Variants in PHF2 observed in about 807,000 individuals in gnomAD.
The protein encoded by PHF2 is PHD finger protein 2.
PHF2 carries 27 observed loss-of-function variants against 120.5 expected under a neutral mutation model. The observed-to-expected ratio is 0.22, with a 90% confidence interval of 0.17 to 0.31. The LOEUF (loss-of-function observed/expected upper bound fraction) is 0.31. PHF2 is among the 10% of genes least tolerant of loss of function. The pLI is 1.00. For missense variants in PHF2, 1,024 were observed against 1,434.8 expected, an observed-to-expected ratio of 0.71 and a Z score of 4.63; for synonymous variants, 568 against 592.5, an observed-to-expected ratio of 0.96 and a Z score of 0.60.
chr9:93,576,976 G>C, intron 1 of PHF2, 105 bp downstream of exon 1: 1 of 342,980 alleles, frequency 2.9e-6, no homozygotes, highest in Non-Finnish European at 4.1e-6. Flanking sequence ...GCTCGGGGAC[G>C]GGCCGCCGCC....
At chr9:93,603,025 C>T (rs1162317756) in intron 1 of PHF2, among the ~76,000 whole-genome samples, 5 of 151,646 alleles carry the variant, frequency 3.3e-5, no homozygotes, top group Admixed American at 1.3e-4. Flanking sequence ...GAGGGGGGCG[C>T]GGAGGTGGGG....
chr9:93,577,752 C>G (rs753307253), intron 1 of PHF2, among the ~76,000 whole-genome samples: 1 of 152,236 alleles, frequency 6.6e-6, no homozygotes, highest in African/African-American at 2.4e-5. Context: ...AACCCCCGCC[C>G]TCTTGGCCCT....
At chr9:93,615,659 G>A (rs1291128198) in intron 1 of PHF2, among the ~76,000 whole-genome samples, 1 of 152,224 alleles carries the variant, frequency 6.6e-6, no homozygotes, top group African/African-American at 2.4e-5. Flanking sequence ...CAGGCTGCAG[G>A]TGATGCCTCA....
At chr9:93,613,518 G>A (rs1825671640) in intron 1 of PHF2, among the ~76,000 whole-genome samples, 1 of 151,178 alleles carries the variant, frequency 6.6e-6, no homozygotes, top group Non-Finnish European at 1.5e-5. Context: ...TTCTGACTCA[G>A]TAGGTCCCGG....
At chr9:93,588,641 C>G (rs1672646361) in intron 1 of PHF2, among the ~76,000 whole-genome samples, 1 of 152,172 alleles carries the variant, frequency 6.6e-6, no homozygotes, top group Non-Finnish European at 1.5e-5. Context: ...CCTGTAATCC[C>G]AGCACTTTGG....
At position 93,676,924 on chromosome 9, in the gene PHF2, C is replaced by A; in HGVS notation, c.3163C>A (p.Pro1055Thr). ...TGGGGTCTTTCTCACACAGAGGCGG[C>A]CCTCCGCATCGTCTCCAAACAACAA... ...APGVFLTQRR[P>T]SASSPNNNTA... Residue 1055 changes from proline (P) to threonine (T), a missense_variant, in exon 21 of 22, where the codon CCC becomes ACC. By Grantham distance (38) the Pro-to-Thr change is conservative (BLOSUM62 -1). Transcript: ENST00000359246. 5 of 1,572,416 alleles carry A rather than the reference C, an allele frequency of 3.2e-6. No individual in the cohort carries two copies. The highest frequency in any genetic ancestry group is 4.3e-6 in the Non-Finnish European group (5 of 1,156,840).
Position 93,665,844 on chromosome 9 carries a change from C to A in PHF2, c.2096C>A (p.Ala699Asp). Residue 699 changes from alanine to aspartate, a missense_variant, in exon 15 of 22, where the codon GCC becomes GAC. Physicochemically the swap from Ala to Asp is moderately radical, Grantham distance 126 (BLOSUM62 -2). Around this residue, in one of 2 missense-constraint regions of PHF2, gnomAD observed 677 missense variants for 857.4 expected, o/e 0.79. Coordinates refer to ENST00000359246, the MANE Select transcript of PHF2 (RefSeq NM_005392.4). ...DEFPIRRKKN[A>D]PKRDLSFLLD... ...TTTCCCATCAGGAGGAAGAAAAACG[C>A]CCCGAAAAGGGACTTGTCCTGTGAG... The A allele has an allele frequency of 6.2e-7, 1 of 1,613,608 alleles. No individual in the cohort carries two copies. Among genetic ancestry groups the A allele is most frequent in the Non-Finnish European group, 8.5e-7 (1 of 1,180,016 alleles).
rs747294165 is a variant in PHF2 at position 93,677,503 on chromosome 9, C to T, written c.3203-85C>T. On this transcript the variant is annotated intron_variant, in intron 21 of 21. Coordinates refer to ENST00000359246, the MANE Select transcript of PHF2 (RefSeq NM_005392.4). The surrounding 1 kb of genome is among the most constrained non-coding windows in gnomAD (Gnocchi z 4.4). ...ACTGCAGGCTGCCCCTTAGTGTCAG[C>T]GGGACCCTCCCCCCCACCGGCATGC... is the stretch of plus-strand genomic sequence containing the variant. 4.3e-5 allele frequency: 42 copies of T among 976,612 alleles called. No individual in the cohort carries two copies. The highest frequency in any genetic ancestry group is 6.1e-5 in the Non-Finnish European group (38 of 618,208). 60.5% of individuals were successfully genotyped at this position (976,612 alleles called of 1,614,324 possible).
At chr9:93,675,879 C>T (rs1002012181) in intron 20 of PHF2, 90 bp downstream of exon 20, 15 of 914,570 alleles carry the variant, frequency 1.6e-5, no homozygotes, top group Non-Finnish European at 2.2e-5. Context: ...TGTTTCTCCA[C>T]CCCATACACA....
intron 1 of PHF2, among the ~76,000 whole-genome samples, chr9:93,598,282 C>T (rs1825370257): frequency 6.6e-6 from 1 of 152,212 alleles, no homozygotes; most frequent in African/African-American, 2.4e-5. Context: ...TCAGACTTAG[C>T]ATTTAATCGC....
intron 10 of PHF2, among the ~76,000 whole-genome samples, chr9:93,659,226 G>T (rs1826516149): frequency 6.6e-6 from 1 of 152,234 alleles, no homozygotes; most frequent in Non-Finnish European, 1.5e-5. Context: ...ATGTGGCTGG[G>T]TGGAGTGGCC....
intron 14 of PHF2, among the ~76,000 whole-genome samples, chr9:93,664,413 G>A (rs867761052): frequency 2.0e-5 from 3 of 152,206 alleles, no homozygotes; most frequent in East Asian, 1.9e-4. Flanking sequence ...GTGTGCTCCC[G>A]GTGCGTGGGA....
chr9:93,669,111 C>T (rs965021042), intron 17 of PHF2, among the ~76,000 whole-genome samples: 2 of 152,242 alleles, frequency 1.3e-5, no homozygotes, highest in African/African-American at 2.4e-5. Flanking sequence ...AGCAACCCTG[C>T]GGGACCTGGG....
rs1162823999 is a variant in PHF2, at chr9:93,677,440, G to A, written c.3203-148G>A. 8 of 683,632 alleles carry A rather than the reference G, an allele frequency of 1.2e-5. No individual in the cohort carries two copies. The highest frequency in any genetic ancestry group is 4.7e-5 in the Admixed American group (2 of 42,348). 42.3% of individuals were successfully genotyped at this position (683,632 alleles called of 1,614,324 possible). A position where few individuals can be genotyped will look rare whatever the true frequency, so the allele number is the denominator to read the frequency against. On this transcript the variant is annotated intron_variant, in intron 21 of 21. Coordinates refer to ENST00000359246, the MANE Select transcript of PHF2 (RefSeq NM_005392.4). The surrounding 1 kb of genome is among the most constrained non-coding windows in gnomAD (Gnocchi z 4.4). ...CAGACTCCTGAAGGGTGCTGAGCTC[G>A]GAGCTGGGGCTTCATAGGCCCATTT...
At chr9:93,649,461 A>G (rs1201130334) in intron 5 of PHF2, among the ~76,000 whole-genome samples, 1 of 149,124 alleles carries the variant, frequency 6.7e-6, no homozygotes, top group Admixed American at 6.7e-5. Context: ...ATTGAGAACA[A>G]TTCAAACAAA....
chr9:93,658,136 C>T lies in PHF2; in HGVS notation c.1148-9C>T, dbSNP rs1190718775. The T allele has an allele frequency of 1.9e-6, 3 of 1,602,680 alleles. No homozygotes were observed. The highest frequency in any genetic ancestry group is 2.6e-6 in the Non-Finnish European group (3 of 1,171,714). On this transcript the variant is annotated splice_polypyrimidine_tract_variant and intron_variant, in intron 9 of 21. Transcript: ENST00000359246. Reference sequence around the variant, plus strand: ...CACCCACCCACCTCACCCAGTGTCTCCTTCCCAGGCTCTCACAAATCTGGG... The same window carrying T: ...CACCCACCCACCTCACCCAGTGTCTTCTTCCCAGGCTCTCACAAATCTGGG...
chr9:93,676,941 A>C lies in PHF2; in HGVS notation c.3180A>C (p.Pro1060=), dbSNP rs1564406141. 3.8e-6 allele frequency: 6 copies of C among 1,565,216 alleles called. No homozygotes were observed. The highest frequency in any genetic ancestry group is 5.2e-6 in the Non-Finnish European group (6 of 1,152,302). ...LTQRRPSASS[P]NNNTAAKGKR... is the part of the protein sequence containing the mutation. Reference sequence around the variant, plus strand: ...AGAGGCGGCCCTCCGCATCGTCTCCAAACAACAACACCGCTGCCAAAGGTA... The same window carrying C: ...AGAGGCGGCCCTCCGCATCGTCTCCCAACAACAACACCGCTGCCAAAGGTA... Residue 1060 remains proline, a synonymous_variant, in exon 21 of 22, where the codon CCA becomes CCC. Transcript: ENST00000359246.
Position 93,677,549 on chromosome 9 carries a change from T to C in PHF2, c.3203-39T>C. On this transcript the variant is annotated intron_variant, in intron 21 of 21. Coordinates refer to ENST00000359246, the MANE Select transcript of PHF2 (RefSeq NM_005392.4). The surrounding 1 kb of genome is among the most constrained non-coding windows in gnomAD (Gnocchi z 4.4). ...CATGCCACGCCCCTTGCCATCTAGC[T>C]TACCTTCCCTTTTTGTGTCCCCTCC... The C allele has an allele frequency of 6.5e-7, 1 of 1,549,592 alleles. No homozygotes were observed. Among genetic ancestry groups the C allele is most frequent in the Non-Finnish European group, 8.9e-7 (1 of 1,122,978 alleles).
At chr9:93,610,070 GA>G (rs1193093179) in intron 1 of PHF2, among the ~76,000 whole-genome samples, 1 of 80,300 alleles carries the variant, frequency 1.2e-5, no homozygotes, top group East Asian at 4.5e-4. Flanking sequence ...CCTAGGTGTA[GA>G]TTTTTTTTTG....
Sources: allele counts gnomAD v4.1 joint callset (sites outside exome capture counted in the v4.1 genomes callset), GRCh38; gene constraint gnomAD v4.1.1; regional missense constraint gnomAD v4.1.1; non-coding constraint Gnocchi (gnomAD v3.1); transcripts MANE v1.5; gene names NCBI Gene and HGNC (gene_info 2026-07-23, HGNC 2026-07-21).